The following DNAI3 variants were observed in gnomAD, a reference collection of about 807,000 sequenced individuals.
The protein encoded by DNAI3 is dynein axonemal intermediate chain 3.
A neutral mutation model predicts 115.5 loss-of-function variants in DNAI3; 83 were observed. That is an observed-to-expected ratio of 0.72 (90% CI 0.60 to 0.86). DNAI3 has a LOEUF of 0.86. DNAI3 is among the 40% of genes least tolerant of loss of function. DNAI3 has a pLI of 0.00. For missense variants in DNAI3, 1,004 were observed against 1,075.8 expected, an observed-to-expected ratio of 0.93 and a Z score of 0.93; for synonymous variants, 320 against 347.0, an observed-to-expected ratio of 0.92 and a Z score of 0.86.
At chr1:85,068,389 C>T (rs1394693045) in intron 1 of DNAI3, among the ~76,000 whole-genome samples, 2 of 152,132 alleles carry the variant, frequency 1.3e-5, no homozygotes, top group Non-Finnish European at 2.9e-5. Flanking sequence ...GTTCAAGTCA[C>T]CAGTGAATCT....
rs57553075 is a variant in DNAI3 at position 85,066,314 on chromosome 1, CTTTTTTTT to C, written c.-15+3847_-15+3854del. ...TAGACGAATTATCTCTTCTGCTACTCTTTTTTTTTTTTTTTTTTTTTTTTTTGAGATGG... is the reference window on the plus strand; with the variant it reads ...TAGACGAATTATCTCTTCTGCTACTCTTTTTTTTTTTTTTTTTTGAGATGG... On this transcript the variant is annotated intron_variant, in intron 1 of 22. Coordinates refer to ENST00000294664, the MANE Select transcript of DNAI3 (RefSeq NM_145172.5). 3.8e-3 allele frequency among the ~76,000 whole-genome samples: 269 copies of C among 70,030 alleles called. 4 individuals carry two copies. Among genetic ancestry groups the C allele is most frequent in the African/African-American group, 0.016 (257 of 16,300 alleles). The allele number at this position is 70,030 out of a possible 152,430, so 45.9% of individuals were successfully genotyped here.
chr1:85,132,293 G>A (rs1025570493), intron 22 of DNAI3, among the ~76,000 whole-genome samples: 1 of 152,224 alleles, frequency 6.6e-6, no homozygotes. Context: ...CTCACCAGGT[G>A]CCAGGTTGAG....
At chr1:85,102,079 G>T (rs1201407239) in intron 13 of DNAI3, among the ~76,000 whole-genome samples, 1 of 151,842 alleles carries the variant, frequency 6.6e-6, no homozygotes, top group Non-Finnish European at 1.5e-5. Flanking sequence ...GATAAAGAGA[G>T]GTTAATTAAT....
intron 17 of DNAI3, among the ~76,000 whole-genome samples, chr1:85,121,431 C>T (rs1365004446): frequency 2.6e-5 from 4 of 152,164 alleles, no homozygotes; most frequent in Admixed American, 2.6e-4. Flanking sequence ...TGGCCTGATC[C>T]CTCCCTTTAC....
At chr1:85,073,770 T>A (rs1654363130) in intron 3 of DNAI3, among the ~76,000 whole-genome samples, 1 of 152,208 alleles carries the variant, frequency 6.6e-6, no homozygotes, top group African/African-American at 2.4e-5. Flanking sequence ...TGACATGTTT[T>A]TAAAGGGTCA....
intron 5 of DNAI3, 108 bp downstream of exon 5, chr1:85,082,512 C>G: frequency 1.2e-6 from 1 of 817,406 alleles, no homozygotes; most frequent in Non-Finnish European, 2.0e-6. Context: ...GTGGCACAAT[C>G]ATGGTCACTG....
chr1:85,109,203 T>C (rs1391820111), intron 15 of DNAI3, among the ~76,000 whole-genome samples: 1 of 152,204 alleles, frequency 6.6e-6, no homozygotes, highest in East Asian at 1.9e-4. Flanking sequence ...ACAAGATATG[T>C]GTGGAAAATA....
chr1:85,118,750 C>T (rs1655906093), intron 17 of DNAI3, among the ~76,000 whole-genome samples: 1 of 152,048 alleles, frequency 6.6e-6, no homozygotes, highest in Admixed American at 6.6e-5. Context: ...GGAGCAGACA[C>T]ATGATAAACA....
chr1:85,090,672 G>T (rs1654944060), intron 8 of DNAI3, among the ~76,000 whole-genome samples: 1 of 152,018 alleles, frequency 6.6e-6, no homozygotes, highest in Non-Finnish European at 1.5e-5. Flanking sequence ...TGTCTTTTTG[G>T]ACATTTCACT....
chr1:85,129,969 A>C (rs200751822), intron 21 of DNAI3, 21 bp from the exon 22 acceptor site: 187 of 1,605,434 alleles, frequency 1.2e-4, no homozygotes, highest in Non-Finnish European at 1.5e-4. Context: ...TCACCCTCTC[A>C]TGGACTTCTG....
chr1:85,070,364 A>T (rs1213999302), intron 1 of DNAI3, among the ~76,000 whole-genome samples: 1 of 152,212 alleles, frequency 6.6e-6, no homozygotes, highest in Non-Finnish European at 1.5e-5. Flanking sequence ...TTGAAATCCA[A>T]GGGATCATCT....
At chr1:85,117,910 A>G in intron 17 of DNAI3, 51 bp downstream of exon 17, 1 of 1,575,214 alleles carries the variant, frequency 6.3e-7, no homozygotes, top group South Asian at 1.2e-5. Flanking sequence ...ATACTAAAAT[A>G]TGTTATTACA....
intron 18 of DNAI3, among the ~76,000 whole-genome samples, chr1:85,123,581 A>C (rs1019039128): frequency 6.6e-5 from 10 of 152,208 alleles, no homozygotes; most frequent in Non-Finnish European, 1.2e-4. Flanking sequence ...ATTCAGGCCT[A>C]CATGATGCAT....
intron 20 of DNAI3, among the ~76,000 whole-genome samples, chr1:85,128,125 C>CAAA (rs11344833): frequency 6.0e-3 from 386 of 64,146 alleles, no homozygotes; most frequent in Middle Eastern, 0.012. Flanking sequence ...GACCCTGTCT[C>CAAA]AAAAAAAAAA....
chr1:85,069,965 T>C (rs968320803), intron 1 of DNAI3, among the ~76,000 whole-genome samples: 2 of 152,098 alleles, frequency 1.3e-5, no homozygotes, highest in African/African-American at 4.8e-5. Context: ...GATTAGATAA[T>C]AAAATCCTGC....
At chr1:85,099,450 C>T (rs1244767027) in intron 13 of DNAI3, 1 of 167,548 alleles carries the variant, frequency 6.0e-6, no homozygotes, top group East Asian at 1.9e-4. Flanking sequence ...AGGAGAACTA[C>T]AAACCACTGC....
chr1:85,076,938 G>A (rs1480422054), intron 3 of DNAI3, among the ~76,000 whole-genome samples: 1 of 152,124 alleles, frequency 6.6e-6, no homozygotes, highest in Non-Finnish European at 1.5e-5. Context: ...GGCCACAGAT[G>A]ACTTCACCTT....
intron 19 of DNAI3, 28 bp from the exon 20 acceptor site, chr1:85,126,483 A>T (rs1243115771): frequency 6.3e-7 from 1 of 1,590,496 alleles, no homozygotes; most frequent in East Asian, 2.3e-5. Context: ...AATCTTCTTT[A>T]TTTGTCTTTT....
intron 16 of DNAI3, among the ~76,000 whole-genome samples, chr1:85,115,978 C>T (rs1655805022): frequency 6.6e-6 from 1 of 152,154 alleles, no homozygotes; most frequent in African/African-American, 2.4e-5. Context: ...TTAACTCAGC[C>T]TATTTTCTTG....
Sources: gnomAD v4.1 joint callset for allele counts (sites outside exome capture counted in the v4.1 genomes callset) on GRCh38, gnomAD v4.1.1 for gene constraint, MANE v1.5 for transcripts, NCBI Gene and HGNC (gene_info 2026-07-23, HGNC 2026-07-21) for gene names.